The following CORIN variants were observed in gnomAD, a reference collection of about 807,000 sequenced individuals.
The protein encoded by CORIN is corin, serine peptidase, also known as atrial natriuretic peptide-converting enzyme.
Under a neutral mutation model 125.3 loss-of-function variants are expected in CORIN, and 117 were observed. The ratio of observed to expected loss-of-function variants is 0.93; its 90% CI spans 0.80 to 1.09. CORIN has a LOEUF of 1.09. CORIN is among the 50% of genes least tolerant of loss of function. The pLI, the probability that CORIN is intolerant of heterozygous loss-of-function variation, is 0.00. For missense variants in CORIN, 1,253 were observed against 1,306.7 expected, an observed-to-expected ratio of 0.96 and a Z score of 0.63; for synonymous variants, 450 against 466.4, an observed-to-expected ratio of 0.96 and a Z score of 0.45.
At chr4:47,690,667 T>C (rs1256770061) in intron 6 of CORIN, among the ~76,000 whole-genome samples, 1 of 152,222 alleles carries the variant, frequency 6.6e-6, no homozygotes, top group Non-Finnish European at 1.5e-5. Flanking sequence ...GGCATTTTCT[T>C]CTGTTCCTCA....
At chr4:47,678,581 G>A (rs1438328041) in intron 8 of CORIN, among the ~76,000 whole-genome samples, 1 of 152,122 alleles carries the variant, frequency 6.6e-6, no homozygotes, top group African/African-American at 2.4e-5. Flanking sequence ...TAGTATATGG[G>A]AAAGAACTTG....
chr4:47,771,888 T>A (rs1017510086), intron 3 of CORIN, among the ~76,000 whole-genome samples: 1 of 152,344 alleles, frequency 6.6e-6, no homozygotes, highest in Middle Eastern at 3.4e-3. Context: ...TACAAAAATA[T>A]GTAAGTATTT....
chr4:47,614,270 G>A (rs60526663), intron 19 of CORIN, among the ~76,000 whole-genome samples: 27 of 152,256 alleles, frequency 1.8e-4, no homozygotes, highest in African/African-American at 6.3e-4. Flanking sequence ...TCAGCTCACT[G>A]CAACCACCTC....
At chr4:47,713,708 G>A (rs182183822) in intron 5 of CORIN, among the ~76,000 whole-genome samples, 1 of 152,120 alleles carries the variant, frequency 6.6e-6, no homozygotes, top group East Asian at 1.9e-4. Flanking sequence ...CCCTGCACCA[G>A]TAACTGTACC....
rs1361177629 is a variant in CORIN at position 47,621,051 on chromosome 4, A to T, written c.2540+2520T>A. On this transcript the variant is annotated intron_variant, in intron 19 of 21. Transcript: ENST00000273857. ...TTTTGCTATTATTTAATATTACTTC[A>T]TTTAAATAAAGTAAAATTACTAAAA... is the stretch of plus-strand genomic sequence containing the variant. Among the ~76,000 whole-genome samples, 4 of 152,330 alleles carry T rather than the reference A, an allele frequency of 2.6e-5. No homozygotes were observed. In the South Asian group the frequency reaches 8.3e-4, roughly 32 times the overall value.
rs181885244 is a variant in CORIN at position 47,660,566 on chromosome 4, T to C, written c.1735+1145A>G. 1.8e-3 allele frequency among the ~76,000 whole-genome samples: 272 copies of C among 152,260 alleles called. 1 individual carries two copies. Among genetic ancestry groups the C allele is most frequent in the Middle Eastern group, 3.4e-3 (1 of 294 alleles). On this transcript the variant is annotated intron_variant, in intron 12 of 21. Coordinates refer to ENST00000273857, the MANE Select transcript of CORIN (RefSeq NM_006587.4). The stretch of plus-strand genomic sequence containing the variant: ...AAGACATACGAATGACAAACAGGTA[T>C]ATGAAAAGGTGCTCAACATCACTGA...
chr4:47,619,195 G>A (rs1722202879), intron 19 of CORIN, among the ~76,000 whole-genome samples: 1 of 152,142 alleles, frequency 6.6e-6, no homozygotes, highest in South Asian at 2.1e-4. Context: ...GACATATGGG[G>A]CTTGATCTGG....
At chr4:47,718,085 A>G (rs1727185428) in intron 5 of CORIN, among the ~76,000 whole-genome samples, 1 of 152,220 alleles carries the variant, frequency 6.6e-6, no homozygotes, top group African/African-American at 2.4e-5. Context: ...AACACAAGCC[A>G]TCTGACTATG....
At chr4:47,633,873 T>A (rs761146955) in intron 16 of CORIN, among the ~76,000 whole-genome samples, 1 of 152,208 alleles carries the variant, frequency 6.6e-6, no homozygotes. Flanking sequence ...TCTTCTCTTC[T>A]TCTTGAGTAT....
intron 5 of CORIN, among the ~76,000 whole-genome samples, chr4:47,738,609 G>A (rs1463046954): frequency 6.6e-6 from 1 of 152,146 alleles, no homozygotes; most frequent in Non-Finnish European, 1.5e-5. Context: ...TTGCAGAGTT[G>A]AACATTATAT....
chr4:47,738,326 C>T (rs539185270), intron 5 of CORIN, among the ~76,000 whole-genome samples: 3 of 152,190 alleles, frequency 2.0e-5, no homozygotes, highest in East Asian at 1.9e-4. Flanking sequence ...GCTATAGTGT[C>T]GACTCTGCTA....
chr4:47,725,712 T>C (rs1019491136), intron 5 of CORIN, among the ~76,000 whole-genome samples: 1 of 152,052 alleles, frequency 6.6e-6, no homozygotes, highest in African/African-American at 2.4e-5. Context: ...GATAAGTAAA[T>C]AGTTCTTATA....
chr4:47,820,907 A>C (rs919702759), intron 1 of CORIN, among the ~76,000 whole-genome samples: 28 of 152,206 alleles, frequency 1.8e-4, no homozygotes, highest in Admixed American at 1.8e-3. Context: ...AAAATGCTAT[A>C]GAAAGTACAG....
chr4:47,604,105 A>G (rs1484982314), intron 19 of CORIN, among the ~76,000 whole-genome samples: 2 of 152,240 alleles, frequency 1.3e-5, no homozygotes, highest in Non-Finnish European at 2.9e-5. Context: ...CTCAGGGCTT[A>G]AAAAGGTCAC....
intron 5 of CORIN, among the ~76,000 whole-genome samples, chr4:47,709,748 T>C (rs1234208781): frequency 6.6e-6 from 1 of 152,198 alleles, no homozygotes; most frequent in Non-Finnish European, 1.5e-5. Context: ...GCCATCAAAA[T>C]TGTACTGTAG....
At chr4:47,724,916 T>G (rs952576272) in intron 5 of CORIN, among the ~76,000 whole-genome samples, 4 of 152,120 alleles carry the variant, frequency 2.6e-5, no homozygotes, top group Non-Finnish European at 4.4e-5. Context: ...CATCCCCACA[T>G]TCAGAGGTGA....
intron 3 of CORIN, among the ~76,000 whole-genome samples, chr4:47,766,815 G>A (rs1729772076): frequency 6.6e-6 from 1 of 151,126 alleles, no homozygotes; most frequent in Non-Finnish European, 1.5e-5. Flanking sequence ...GTGTGATGGT[G>A]GGCGCCTGTA....
intron 16 of CORIN, among the ~76,000 whole-genome samples, chr4:47,629,487 A>G (rs1722721350): frequency 6.6e-6 from 1 of 152,174 alleles, no homozygotes; most frequent in Admixed American, 6.5e-5. Context: ...AAAATTATAA[A>G]AGTAATACTT....
Position 47,813,516 on chromosome 4 carries a change from C to G in CORIN, c.64-6469G>C, listed in dbSNP as rs111782185. Among the ~76,000 whole-genome samples the G allele has an allele frequency of 8.1e-3, 1,236 of 152,286 alleles. 14 individuals carry two copies. The highest frequency in any genetic ancestry group is 0.028 in the African/African-American group (1,167 of 41,554). ...CCTGCTATTTCTTAAGGTACAGCAT[C>G]AGACATAGAGATATGTTGATATTTT... On this transcript the variant is annotated intron_variant, in intron 1 of 21. Transcript: ENST00000273857.
Sources: allele counts gnomAD v4.1 joint callset (sites outside exome capture counted in the v4.1 genomes callset), GRCh38; gene constraint gnomAD v4.1.1; transcripts MANE v1.5; gene names NCBI Gene and HGNC (gene_info 2026-07-23, HGNC 2026-07-21).